PRKG1: variants seen among roughly 807,000 people sequenced by gnomAD.
PRKG1 encodes the protein cGMP-dependent protein kinase 1.
Under a neutral mutation model 88.1 loss-of-function variants are expected in PRKG1, and 35 were observed. That is an observed-to-expected ratio of 0.40 (90% CI 0.30 to 0.53). The LOEUF (loss-of-function observed/expected upper bound fraction) is 0.53. PRKG1 is among the 20% of genes least tolerant of loss of function. The probability of loss-of-function intolerance (pLI) is 0.59; values close to 1 mark genes in which losing one functional copy is unlikely to be tolerated. For synonymous variants in PRKG1, 303 were observed against 292.5 expected, an observed-to-expected ratio of 1.04 and a Z score of -0.37; for missense variants, 540 against 839.8, an observed-to-expected ratio of 0.64 and a Z score of 4.41.
At chr10:51,441,218 TA>T (rs1251322819) in intron 2 of PRKG1, among the ~76,000 whole-genome samples, 1 of 151,994 alleles carries the variant, frequency 6.6e-6, no homozygotes, top group African/African-American at 2.4e-5. Context: ...GCCAGTTTTT[TA>T]TTCTTACTTA....
chr10:51,540,775 A>G (rs1842280361), intron 3 of PRKG1, among the ~76,000 whole-genome samples: 1 of 152,050 alleles, frequency 6.6e-6, no homozygotes, highest in Non-Finnish European at 1.5e-5. Flanking sequence ...GCTGGAGTGC[A>G]GTGGCATTAT....
At position 52,287,707 on chromosome 10, in the gene PRKG1, A is replaced by T. The variant is rs529935232; in HGVS notation, c.1710-1019A>T. ...TCAAGGATGGATCAGTTAAAAAAAA[A>T]AAAAAAAAAAAAAATCAACAGATCT... On this transcript the variant is annotated intron_variant, in intron 14 of 17. Transcript: ENST00000373980. Among the ~76,000 whole-genome samples, 1,483 of 151,546 alleles carry T rather than the reference A, an allele frequency of 9.8e-3. 28 individuals are homozygous for T. The highest frequency in any genetic ancestry group is 0.034 in the African/African-American group (1,411 of 41,244).
At chr10:51,374,167 A>G (rs1454040148) in intron 2 of PRKG1, among the ~76,000 whole-genome samples, 6 of 149,990 alleles carry the variant, frequency 4.0e-5, no homozygotes, top group Admixed American at 4.0e-4. Flanking sequence ...TTACATAGGT[A>G]TACACATGCC....
At chr10:51,744,829 C>A (rs1316403985) in intron 3 of PRKG1, among the ~76,000 whole-genome samples, 1 of 152,126 alleles carries the variant, frequency 6.6e-6, no homozygotes, top group African/African-American at 2.4e-5. Context: ...ACAAGCACAT[C>A]GACCTGTAGA....
chr10:52,219,195 T>C (rs976087653), intron 9 of PRKG1, among the ~76,000 whole-genome samples: 10 of 51,022 alleles, frequency 2.0e-4, no homozygotes, highest in Non-Finnish European at 2.9e-4. Flanking sequence ...TGGGAGGCTT[T>C]AATTAGTCAT....
At chr10:51,686,700 A>G (rs1406946030) in intron 3 of PRKG1, among the ~76,000 whole-genome samples, 3 of 152,164 alleles carry the variant, frequency 2.0e-5, no homozygotes, top group Admixed American at 2.0e-4. Context: ...ACATGTGAAA[A>G]GGGAAGATTC....
chr10:52,111,645 T>C (rs1589615863), intron 7 of PRKG1, among the ~76,000 whole-genome samples: 1 of 152,340 alleles, frequency 6.6e-6, no homozygotes, highest in East Asian at 1.9e-4. Flanking sequence ...TAGATATAAA[T>C]AGTTTGTTCT....
intron 3 of PRKG1, chr10:51,699,578 G>C (rs1344139756): frequency 6.3e-7 from 1 of 1,583,114 alleles, no homozygotes; most frequent in Non-Finnish European, 8.6e-7. Context: ...AGCCGATAGC[G>C]GATTCTTCGA....
At chr10:51,195,789 T>A (rs941273750) in intron 2 of PRKG1, among the ~76,000 whole-genome samples, 1 of 152,206 alleles carries the variant, frequency 6.6e-6, no homozygotes, top group African/African-American at 2.4e-5. Context: ...ATGATGATAG[T>A]AACAGAACAA....
intron 3 of PRKG1, among the ~76,000 whole-genome samples, chr10:51,619,249 T>C (rs562384555): frequency 6.6e-6 from 1 of 152,274 alleles, no homozygotes; most frequent in East Asian, 1.9e-4. Flanking sequence ...AAGGGGTAGC[T>C]GAAGAAATCA....
intron 2 of PRKG1, among the ~76,000 whole-genome samples, chr10:51,175,491 C>T (rs995918056): frequency 6.6e-6 from 1 of 151,928 alleles, no homozygotes; most frequent in African/African-American, 2.4e-5. Flanking sequence ...ATAAGATTAT[C>T]AAATTATCTG....
At chr10:51,518,154 C>T (rs1188462095) in intron 3 of PRKG1, among the ~76,000 whole-genome samples, 2 of 152,076 alleles carry the variant, frequency 1.3e-5, no homozygotes, top group Non-Finnish European at 2.9e-5. Flanking sequence ...TGCACCACCA[C>T]ACTCGGCTAA....
At position 51,648,967 on chromosome 10, in the gene PRKG1, G is replaced by A. The variant is rs529250398; in HGVS notation, c.593-155618G>A. 7.0e-4 allele frequency among the ~76,000 whole-genome samples: 106 copies of A among 152,252 alleles called. 2 individuals carry two copies. The South Asian group carries it at 0.021, about 30-fold the overall frequency. On this transcript the variant is annotated intron_variant, in intron 3 of 17. Transcript: ENST00000373980. ...GCCTATAATCCCAACACTTTGGTAG[G>A]ATGAGGCGGGCGGAACACGTAAGTC...
intron 1 of PRKG1, among the ~76,000 whole-genome samples, chr10:51,148,469 T>C (rs544482567): frequency 1.3e-5 from 2 of 152,320 alleles, no homozygotes; most frequent in South Asian, 4.1e-4. Context: ...TGCCTGGAAG[T>C]CTTTTTTAAT....
At chr10:51,362,251 C>T (rs1453665952) in intron 2 of PRKG1, among the ~76,000 whole-genome samples, 2 of 151,800 alleles carry the variant, frequency 1.3e-5, no homozygotes, top group African/African-American at 4.8e-5. Context: ...CCTCCAGTCT[C>T]AGCCTCCTAA....
intron 9 of PRKG1, among the ~76,000 whole-genome samples, chr10:52,239,766 T>C (rs1034606715): frequency 2.6e-5 from 4 of 152,046 alleles, no homozygotes; most frequent in Admixed American, 6.6e-5. Context: ...GTGGTTTTTT[T>C]CCCAAACTTC....
chr10:52,158,838 T>C lies in PRKG1; in HGVS notation c.1002-3051T>C, dbSNP rs182501977. On this transcript the variant is annotated intron_variant, in intron 8 of 17. Transcript: ENST00000373980. ...GTATTTTTATTTTGAAAATAAATTCTATATATTTATAATATAGAGTATGAA... is the reference window on the plus strand; with the variant it reads ...GTATTTTTATTTTGAAAATAAATTCCATATATTTATAATATAGAGTATGAA... Among the ~76,000 whole-genome samples the C allele has an allele frequency of 2.1e-3, 316 of 151,576 alleles. 1 individual carries two copies. Among genetic ancestry groups the C allele is most frequent in the African/African-American group, 7.3e-3 (303 of 41,510 alleles).
intron 4 of PRKG1, among the ~76,000 whole-genome samples, chr10:51,890,681 C>T (rs758512077): frequency 8.5e-5 from 13 of 152,268 alleles, no homozygotes; most frequent in Admixed American, 3.3e-4. Flanking sequence ...TATGGCCAGG[C>T]GCAGTGGCTC....
intron 9 of PRKG1, among the ~76,000 whole-genome samples, chr10:52,213,176 A>T (rs1380168655): frequency 6.6e-6 from 1 of 152,058 alleles, no homozygotes; most frequent in East Asian, 1.9e-4. Context: ...TATAATAAAA[A>T]AAATAAAAAT....
Sources: allele counts gnomAD v4.1 joint callset (sites outside exome capture counted in the v4.1 genomes callset), GRCh38; gene constraint gnomAD v4.1.1; transcripts MANE v1.5; gene names NCBI Gene and HGNC (gene_info 2026-07-23, HGNC 2026-07-21).